SH3RF3: variants seen among roughly 807,000 people sequenced by gnomAD.
SH3RF3 encodes the protein SH3 domain containing ring finger 3.
In SH3RF3, 29 loss-of-function variants were observed where a neutral mutation model predicts 66.3. The observed-to-expected ratio is 0.44, with a 90% CI of 0.33 to 0.60. SH3RF3 has a LOEUF of 0.60. Ranked by LOEUF, SH3RF3 falls within the 20% of genes least tolerant of loss-of-function variation. The probability of loss-of-function intolerance (pLI) is 0.04; values close to 1 mark genes in which losing one functional copy is unlikely to be tolerated. For missense variants in SH3RF3, 1,194 were observed against 1,190.9 expected (o/e 1.00, Z -0.04); for synonymous variants, 583 against 532.0 (o/e 1.10, Z -1.32).
Position 109,398,636 on chromosome 2 carries a change from C to T in SH3RF3, c.992C>T (p.Pro331Leu), listed in dbSNP as rs1204071336. 1.9e-6 allele frequency: 3 copies of T among 1,597,334 alleles called. No homozygotes were observed. Among genetic ancestry groups the T allele is most frequent in the African/African-American group, 2.7e-5 (2 of 74,512 alleles). ...CTCATTGAGATGGACAAGCCATGCC[C>T]AGCCGCTGCATCCAGCTGCAATGCC... is the stretch of plus-strand genomic sequence containing the variant. ...KQLIEMDKPC[P>L]AAASSCNASL... Residue 331 changes from proline (P) to leucine (L), a missense_variant, in exon 4 of 10, where the codon CCA (proline) becomes CTA (leucine). Transcript: ENST00000309415.
chr2:109,188,244 A>G (rs1215575354), intron 1 of SH3RF3, among the ~76,000 whole-genome samples: 4 of 152,178 alleles, frequency 2.6e-5, no homozygotes, highest in Non-Finnish European at 2.9e-5. Context: ...GTGCCTCTGA[A>G]AACTCCACCG....
At chr2:109,354,157 C>T (rs919858920) in intron 2 of SH3RF3, among the ~76,000 whole-genome samples, 7 of 151,776 alleles carry the variant, frequency 4.6e-5, no homozygotes, top group African/African-American at 1.7e-4. Context: ...TGAACTATTC[C>T]CTTTTTAATT....
At chr2:109,320,285 C>T (rs1681991499) in intron 1 of SH3RF3, among the ~76,000 whole-genome samples, 1 of 152,206 alleles carries the variant, frequency 6.6e-6, no homozygotes, top group African/African-American at 2.4e-5. Flanking sequence ...GGTTTCCTTC[C>T]TGTTCTCTGC....
rs888719558 is a variant in SH3RF3 at position 109,130,098 on chromosome 2, C to T, written c.558C>T (p.Thr186=). Residue 186 remains threonine (T), a synonymous_variant, in exon 1 of 10, where the codon ACC becomes ACT. Transcript: ENST00000309415. The part of the protein sequence containing the change: ...GSLRELATSR[T]APAAKNPCLL... ...TGCGGGAGCTGGCGACCAGCAGGAC[C>T]GCGCCGGCGGCAAAGGTGAGTATCT... 9 of 1,343,712 alleles carry T rather than the reference C, an allele frequency of 6.7e-6. No individual in the cohort carries two copies. The highest frequency in any genetic ancestry group is 1.9e-5 in the South Asian group (1 of 53,896). The allele number at this position is 1,343,712 out of a possible 1,614,324, so 83.2% of individuals were successfully genotyped here.
intron 1 of SH3RF3, among the ~76,000 whole-genome samples, chr2:109,283,881 G>T (rs748327480): frequency 6.6e-6 from 1 of 152,176 alleles, no homozygotes; most frequent in Non-Finnish European, 1.5e-5. Flanking sequence ...TATTCTATAT[G>T]CATCAGCTGG....
intron 1 of SH3RF3, among the ~76,000 whole-genome samples, chr2:109,276,840 A>G (rs941356093): frequency 1.1e-4 from 17 of 152,176 alleles, no homozygotes; most frequent in Non-Finnish European, 1.5e-4. Context: ...TATACAAACA[A>G]TATAGTTAAG....
intron 1 of SH3RF3, among the ~76,000 whole-genome samples, chr2:109,172,442 C>T (rs554589014): frequency 7.2e-5 from 11 of 152,294 alleles, no homozygotes; most frequent in African/African-American, 2.2e-4. Flanking sequence ...CATTAAAATA[C>T]GTTTATTGAG....
chr2:109,400,423 C>G (rs1676275657), intron 4 of SH3RF3, among the ~76,000 whole-genome samples: 1 of 152,188 alleles, frequency 6.6e-6, no homozygotes, highest in Admixed American at 6.5e-5. Flanking sequence ...CACCTGTGCA[C>G]ATATGTGCAC....
At chr2:109,202,193 C>T (rs1035816050) in intron 1 of SH3RF3, among the ~76,000 whole-genome samples, 3 of 152,164 alleles carry the variant, frequency 2.0e-5, no homozygotes, top group South Asian at 4.1e-4. Flanking sequence ...CCTTCTCTTC[C>T]CTCCCTTGTT....
At chr2:109,498,378 CAGCCTGGTGCAAGCTG>C (rs1434432107) in intron 9 of SH3RF3, among the ~76,000 whole-genome samples, 2 of 152,212 alleles carry the variant, frequency 1.3e-5, no homozygotes, top group Admixed American at 6.5e-5. Flanking sequence ...CTCCTCTTGC[CAGCCTGGTGCAAGCTG>C]GGCCTGTGTG....
At chr2:109,332,284 G>A (rs530955965) in intron 1 of SH3RF3, among the ~76,000 whole-genome samples, 21 of 152,178 alleles carry the variant, frequency 1.4e-4, no homozygotes, top group Admixed American at 2.6e-4. Flanking sequence ...CCTCTGGCAC[G>A]CCAACTCTCT....
intron 8 of SH3RF3, among the ~76,000 whole-genome samples, chr2:109,470,648 C>T (rs1044009315): frequency 2.0e-5 from 3 of 152,200 alleles, no homozygotes; most frequent in Non-Finnish European, 4.4e-5. Flanking sequence ...CAGTGCCACG[C>T]ATGGGGTGCC....
At chr2:109,132,517 G>A (rs370178891) in intron 1 of SH3RF3, among the ~76,000 whole-genome samples, 20 of 152,138 alleles carry the variant, frequency 1.3e-4, no homozygotes, top group Middle Eastern at 3.2e-3. Context: ...GAGATAAAGC[G>A]CTTTTGTGGA....
intron 1 of SH3RF3, among the ~76,000 whole-genome samples, chr2:109,184,279 T>C (rs561617248): frequency 5.3e-5 from 8 of 152,326 alleles, no homozygotes; most frequent in African/African-American, 1.7e-4. Context: ...TTCAACTCTG[T>C]TCCTTCTCCC....
At chr2:109,335,305 A>G (rs1682386597) in intron 1 of SH3RF3, among the ~76,000 whole-genome samples, 1 of 152,082 alleles carries the variant, frequency 6.6e-6, no homozygotes, top group Non-Finnish European at 1.5e-5. Context: ...GTGTCTCTTT[A>G]TCCTCTCCCT....
chr2:109,390,120 G>A (rs1325057022), intron 3 of SH3RF3, among the ~76,000 whole-genome samples: 1 of 152,196 alleles, frequency 6.6e-6, no homozygotes, highest in Non-Finnish European at 1.5e-5. Flanking sequence ...AGGCCATGCG[G>A]GTCCCCACCT....
chr2:109,464,935 T>C (rs1390031020), intron 8 of SH3RF3, among the ~76,000 whole-genome samples: 2 of 152,238 alleles, frequency 1.3e-5, no homozygotes, highest in Non-Finnish European at 2.9e-5. Context: ...ACAGGATAGT[T>C]TGACTGCCCT....
At chr2:109,441,283 G>C (rs1292699480) in intron 7 of SH3RF3, among the ~76,000 whole-genome samples, 1 of 152,118 alleles carries the variant, frequency 6.6e-6, no homozygotes, top group African/African-American at 2.4e-5. Flanking sequence ...AATTGACATA[G>C]ATGTTGCAAA....
rs183045998 is a variant in SH3RF3 at position 109,386,552 on chromosome 2, G to A, written c.946-12038G>A. Reference sequence around the variant, plus strand: ...AGCTGGATCTTGGGCCTTGGTTTGCGGCCCTTGAGTGTGAGTCCTCTACCC... The same window carrying A: ...AGCTGGATCTTGGGCCTTGGTTTGCAGCCCTTGAGTGTGAGTCCTCTACCC... On this transcript the variant is annotated intron_variant, in intron 3 of 9. Transcript: ENST00000309415. Among the ~76,000 whole-genome samples the A allele has an allele frequency of 4.6e-5, 7 of 152,178 alleles. 1 individual carries two copies. The highest frequency in any genetic ancestry group is 7.2e-5 in the African/African-American group (3 of 41,428).
Sources: allele counts gnomAD v4.1 joint callset (sites outside exome capture counted in the v4.1 genomes callset), GRCh38; gene constraint gnomAD v4.1.1; transcripts MANE v1.5; gene names NCBI Gene and HGNC (gene_info 2026-07-23, HGNC 2026-07-21).